The following NAA30 variants were observed in gnomAD, a reference collection of about 807,000 sequenced individuals.
NAA30 encodes N-alpha-acetyltransferase 30, NatC catalytic subunit, also known as N-alpha-acetyltransferase 30.
A neutral mutation model predicts 31.4 loss-of-function variants in NAA30; 5 were observed. That is an observed-to-expected ratio of 0.16 (90% confidence interval 0.08 to 0.33). The LOEUF (loss-of-function observed/expected upper bound fraction) is 0.33, where lower values mean the gene tolerates loss of function less well. Ranked by LOEUF, NAA30 falls within the 10% of genes least tolerant of loss-of-function variation. The probability of loss-of-function intolerance (pLI) is 1.00; values close to 1 mark genes in which losing one functional copy is unlikely to be tolerated. For missense variants in NAA30, 428 were observed against 490.8 expected (o/e 0.87, Z 1.21); for synonymous variants, 222 against 207.1 (o/e 1.07, Z -0.62).
At chr14:57,392,804 A>G (rs763123399) in intron 2 of NAA30, among the ~76,000 whole-genome samples, 2 of 152,218 alleles carry the variant, frequency 1.3e-5, no homozygotes, top group Non-Finnish European at 2.9e-5. Flanking sequence ...ATATTTTGAC[A>G]ATACTTATCT....
rs375095693 is a variant in NAA30 at position 57,399,815 on chromosome 14, A to T, written c.896-13A>T. The T allele has an allele frequency of 1.4e-6, 2 of 1,381,068 alleles. No individual in the cohort carries two copies. The highest frequency in any genetic ancestry group is 1.8e-5 in the Admixed American group (1 of 56,546). 85.6% of individuals were successfully genotyped at this position (1,381,068 alleles called of 1,614,324 possible). ...ACATTTTTCCTTCATTAATACTCAGATCTATATTCTAGGTACTAACTTGGT... is the reference window on the plus strand; with the variant it reads ...ACATTTTTCCTTCATTAATACTCAGTTCTATATTCTAGGTACTAACTTGGT... On this transcript the variant is annotated splice_polypyrimidine_tract_variant and intron_variant, in intron 3 of 4. Coordinates refer to ENST00000556492, the MANE Select transcript of NAA30 (RefSeq NM_001011713.3).
chr14:57,401,133 T>C (rs1002897046), intron 4 of NAA30, among the ~76,000 whole-genome samples: 3 of 152,242 alleles, frequency 2.0e-5, no homozygotes, highest in Non-Finnish European at 4.4e-5. Flanking sequence ...AAGTAATTCT[T>C]ATTCAATAAT....
At position 57,409,546 on chromosome 14, in the gene NAA30, C is replaced by T. The variant is rs535065694; in HGVS notation, c.*30C>T. On this transcript the variant is annotated 3_prime_UTR_variant, in exon 5 of 5. Coordinates refer to ENST00000556492, the MANE Select transcript of NAA30 (RefSeq NM_001011713.3). ...CTGACATCAAGGAACAACTATCATC[C>T]GCACAGAATCGACCTTTGCATGCAA... 6 of 1,581,438 alleles carry T rather than the reference C, an allele frequency of 3.8e-6. No individual in the cohort carries two copies. Among genetic ancestry groups the T allele is most frequent in the South Asian group, 2.4e-5 (2 of 84,826 alleles).
In NAA30 at chr14:57,410,012, G is replaced by A. The variant is rs1009526928; in HGVS notation, c.*496G>A. ...TCCATTCTTGAATATTGGTACCTCA[G>A]TGATTAGTGAATGAAAAAAATGTAG... On this transcript the variant is annotated 3_prime_UTR_variant, in exon 5 of 5. Transcript: ENST00000556492. The A allele has an allele frequency of 5.9e-5, 9 of 152,476 alleles. No homozygotes were observed. The highest frequency in any genetic ancestry group is 2.2e-4 in the African/African-American group (9 of 41,388). 9.4% of individuals were successfully genotyped at this position (152,476 alleles called of 1,614,324 possible).
chr14:57,408,468 T>C (rs1350723534), intron 4 of NAA30, among the ~76,000 whole-genome samples: 2 of 152,244 alleles, frequency 1.3e-5, no homozygotes, highest in African/African-American at 4.8e-5. Flanking sequence ...GTTAATACTA[T>C]GTGTTCCTCT....
rs1345461530 is a variant in NAA30, at chr14:57,411,306, C to T, written c.*1790C>T. ...ATAAAAATATGGTAACCACACAGTA[C>T]TCAGCCTTTCAATATGTTTTTGGTC... is the stretch of plus-strand genomic sequence containing the variant. On this transcript the variant is annotated 3_prime_UTR_variant, in exon 5 of 5. Transcript: ENST00000556492. 1 of 152,070 alleles carries T rather than the reference C, an allele frequency of 6.6e-6. No individual in the cohort carries two copies. Among genetic ancestry groups the T allele is most frequent in the African/African-American group, 2.4e-5 (1 of 41,420 alleles). The allele number at this position is 152,070 out of a possible 1,614,324, so 9.4% of individuals were successfully genotyped here.
Position 57,391,405 on chromosome 14 carries a change from G to A in NAA30, c.448G>A (p.Val150Ile), listed in dbSNP as rs745630838. Residue 150 changes from valine (V) to isoleucine (I), a missense_variant, in exon 2 of 5, where the codon GTC (valine) becomes ATC (isoleucine). Coordinates refer to ENST00000556492, the MANE Select transcript of NAA30 (RefSeq NM_001011713.3). The surrounding 1 kb of genome is among the most constrained non-coding windows in gnomAD (Gnocchi z 4.1). ...HSLSSNARTA[V>I]PSPVEAAAAS... is the part of the protein sequence containing the mutation. Reference sequence around the variant, plus strand: ...CCTCTCTAGTAATGCAAGAACTGCGGTCCCCAGCCCGGTGGAGGCAGCGGC... The same window carrying A: ...CCTCTCTAGTAATGCAAGAACTGCGATCCCCAGCCCGGTGGAGGCAGCGGC... 11 of 1,607,810 alleles carry A rather than the reference G, an allele frequency of 6.8e-6. No homozygotes were observed. Among genetic ancestry groups the A allele is most frequent in the Non-Finnish European group, 9.3e-6 (11 of 1,177,374 alleles).
chr14:57,399,390 T>C (rs1191710192), intron 3 of NAA30, among the ~76,000 whole-genome samples: 2 of 152,152 alleles, frequency 1.3e-5, no homozygotes, highest in East Asian at 3.9e-4. Context: ...CTGATGAGGT[T>C]GTCTTGTCCC....
At chr14:57,399,349 T>C (rs553599213) in intron 3 of NAA30, among the ~76,000 whole-genome samples, 1 of 152,288 alleles carries the variant, frequency 6.6e-6, no homozygotes, top group Admixed American at 6.5e-5. Context: ...ACTGTAAAGT[T>C]TATAGGAACC....
Position 57,391,721 on chromosome 14 carries a change from G to C in NAA30, c.764G>C (p.Cys255Ser). Residue 255 changes from cysteine (C) to serine (S), a missense_variant, in exon 2 of 5, where the codon TGC (cysteine) becomes TCC (serine). By Grantham distance (112) the Cys-to-Ser change is moderately radical. Transcript: ENST00000556492. This position sits in a 1 kb window ranked among gnomAD's most constrained non-coding sequence, Gnocchi z 4.1. ...TTTATCCACAACTGGCCACAGCTGT[G>C]CTTCTTGGTAAGTGGATAGAATAAA... The part of the protein sequence containing the change: ...RYFIHNWPQL[C>S]FLAMVGEECV... The C allele has an allele frequency of 6.2e-7, 1 of 1,603,126 alleles. No individual in the cohort carries two copies. Among genetic ancestry groups the C allele is most frequent in the Middle Eastern group, 1.7e-4 (1 of 6,004 alleles).
intron 2 of NAA30, among the ~76,000 whole-genome samples, chr14:57,395,405 A>G (rs1450643572): frequency 6.6e-6 from 1 of 152,192 alleles, no homozygotes. Context: ...GACATTACTT[A>G]TTAGTTTTTT....
At chr14:57,397,322 T>C (rs571326907) in intron 3 of NAA30, among the ~76,000 whole-genome samples, 16 of 152,348 alleles carry the variant, frequency 1.1e-4, no homozygotes, top group Admixed American at 5.9e-4. Flanking sequence ...CAACTATATA[T>C]TGCAATTCAG....
Position 57,411,295 on chromosome 14 carries a change from A to G in NAA30, c.*1779A>G, listed in dbSNP as rs188454194. 1 of 152,172 alleles carries G rather than the reference A, an allele frequency of 6.6e-6. No individual in the cohort carries two copies. Among genetic ancestry groups the G allele is most frequent in the Non-Finnish European group, 1.5e-5 (1 of 67,954 alleles). The allele number at this position is 152,172 out of a possible 1,614,324, so 9.4% of individuals were successfully genotyped here. A position where few individuals can be genotyped will look rare whatever the true frequency, so the allele number is the denominator to read the frequency against. On this transcript the variant is annotated 3_prime_UTR_variant, in exon 5 of 5. Coordinates refer to ENST00000556492, the MANE Select transcript of NAA30 (RefSeq NM_001011713.3). ...TACTGGTTATAATAAAAATATGGTAACCACACAGTACTCAGCCTTTCAATA... is the reference window on the plus strand; with the variant it reads ...TACTGGTTATAATAAAAATATGGTAGCCACACAGTACTCAGCCTTTCAATA...
At chr14:57,408,508 C>G (rs1050241746) in intron 4 of NAA30, among the ~76,000 whole-genome samples, 1 of 152,178 alleles carries the variant, frequency 6.6e-6, no homozygotes, top group African/African-American at 2.4e-5. Context: ...ACCAGTGGTT[C>G]TCAAAATGTG....
In NAA30 at chr14:57,410,026, A is replaced by G. The variant is rs967903757; in HGVS notation, c.*510A>G. ...TTGGTACCTCAGTGATTAGTGAATG[A>G]AAAAAATGTAGGGTGGGTATGTCTT... On this transcript the variant is annotated 3_prime_UTR_variant, in exon 5 of 5. Coordinates refer to ENST00000556492, the MANE Select transcript of NAA30 (RefSeq NM_001011713.3). 2.0e-5 allele frequency: 3 copies of G among 152,616 alleles called. No homozygotes were observed. Among genetic ancestry groups the G allele is most frequent in the African/African-American group, 7.2e-5 (3 of 41,434 alleles). The allele number at this position is 152,616 out of a possible 1,614,324, so 9.5% of individuals were successfully genotyped here. A position where few individuals can be genotyped will look rare whatever the true frequency, so the allele number is the denominator to read the frequency against.
Position 57,400,927 on chromosome 14 carries a change from C to T in NAA30, c.951+1044C>T, listed in dbSNP as rs775069555. ...TTTTTGTTTTTGTAGAGATGGGAGT[C>T]TTGCTATGTTGTCCAGCTGGAGACC... On this transcript the variant is annotated intron_variant, in intron 4 of 4. Coordinates refer to ENST00000556492, the MANE Select transcript of NAA30 (RefSeq NM_001011713.3). 2.7e-5 allele frequency among the ~76,000 whole-genome samples: 4 copies of T among 147,200 alleles called. No homozygotes were observed. In the South Asian group the frequency reaches 6.4e-4, roughly 24 times the overall value.
chr14:57,399,075 C>G (rs1466048295), intron 3 of NAA30, among the ~76,000 whole-genome samples: 4 of 152,034 alleles, frequency 2.6e-5, no homozygotes, highest in African/African-American at 4.8e-5. Context: ...GTTGGCCAGG[C>G]TGGTCTTGAA....
chr14:57,398,127 C>G (rs907254866), intron 3 of NAA30, among the ~76,000 whole-genome samples: 1 of 152,156 alleles, frequency 6.6e-6, no homozygotes, highest in Non-Finnish European at 1.5e-5. Flanking sequence ...ATTGTCCAAC[C>G]TAAGACTCAC....
intron 2 of NAA30, among the ~76,000 whole-genome samples, chr14:57,395,843 T>A (rs2066448098): frequency 1.3e-5 from 2 of 152,230 alleles, no homozygotes; most frequent in South Asian, 4.1e-4. Flanking sequence ...TTGGGTATGG[T>A]CTAAGCAATA....
Sources: gnomAD v4.1 joint callset for allele counts (sites outside exome capture counted in the v4.1 genomes callset) on GRCh38, gnomAD v4.1.1 for gene constraint, Gnocchi (gnomAD v3.1) non-coding constraint, MANE v1.5 for transcripts, NCBI Gene and HGNC (gene_info 2026-07-23, HGNC 2026-07-21) for gene names.